The following WARS2 variants were observed in gnomAD, a reference collection of about 807,000 sequenced individuals.
The protein encoded by WARS2 is tryptophan--tRNA ligase, mitochondrial.
WARS2 carries 28 observed loss-of-function variants against 36.5 expected under a neutral mutation model. That is an observed-to-expected ratio of 0.77 (90% confidence interval 0.57 to 1.05). WARS2 has a LOEUF of 1.05. Ranked by LOEUF, WARS2 falls within the 50% of genes least tolerant of loss-of-function variation. The probability of loss-of-function intolerance (pLI) is 0.00; values close to 1 mark genes in which losing one functional copy is unlikely to be tolerated. For synonymous variants in WARS2, 174 were observed against 178.4 expected, an observed-to-expected ratio of 0.98 and a Z score of 0.20; for missense variants, 435 against 456.8, an observed-to-expected ratio of 0.95 and a Z score of 0.44.
At chr1:119,107,423 T>C (rs1316747327) in intron 1 of WARS2, among the ~76,000 whole-genome samples, 3 of 152,114 alleles carry the variant, frequency 2.0e-5, no homozygotes, top group African/African-American at 7.2e-5. Context: ...ATTTTACATT[T>C]AGTGTTAGGA....
intron 1 of WARS2, among the ~76,000 whole-genome samples, chr1:119,086,897 T>C (rs964438588): frequency 2.0e-5 from 3 of 152,148 alleles, no homozygotes; most frequent in Non-Finnish European, 2.9e-5. Context: ...TACTCCTCTC[T>C]GCATTCACAC....
chr1:119,103,823 T>A (rs1164680361), intron 1 of WARS2, among the ~76,000 whole-genome samples: 6 of 151,950 alleles, frequency 3.9e-5, no homozygotes, highest in African/African-American at 7.2e-5. Context: ...GGCACATTTT[T>A]AAACAACATT....
intron 2 of WARS2, among the ~76,000 whole-genome samples, chr1:119,071,824 A>G (rs1557959811): frequency 6.6e-6 from 1 of 152,164 alleles, no homozygotes; most frequent in African/African-American, 2.4e-5. Flanking sequence ...ATGTGAGGTA[A>G]TATATATGTT....
Position 119,076,347 on chromosome 1 carries a change from G to A in WARS2, c.348+3C>T, listed in dbSNP as rs200060157. Reference sequence around the variant, plus strand: ...TTTCTCAGTTCTAATCTGAGAAGCTGACCTGAGATTGTTGGAAAAGGATGC... The same window carrying A: ...TTTCTCAGTTCTAATCTGAGAAGCTAACCTGAGATTGTTGGAAAAGGATGC... On this transcript the variant is annotated splice_donor_region_variant and intron_variant, in intron 2 of 5. Transcript: ENST00000235521. 4.5e-4 allele frequency: 719 copies of A among 1,614,010 alleles called. 1 individual carries two copies. Among genetic ancestry groups the A allele is most frequent in the Non-Finnish European group, 5.9e-4 (697 of 1,179,970 alleles).
chr1:119,063,892 G>A (rs1453457929), intron 2 of WARS2: 1 of 152,194 alleles, frequency 6.6e-6, no homozygotes, highest in Admixed American at 6.5e-5. Context: ...AGGAAATGTG[G>A]GGTTGGAGCC....
intron 1 of WARS2, among the ~76,000 whole-genome samples, chr1:119,082,824 C>T (rs1295589527): frequency 1.3e-5 from 2 of 152,160 alleles, no homozygotes; most frequent in African/African-American, 4.8e-5. Flanking sequence ...GTGTGACCCC[C>T]TCAAAATTCA....
intron 1 of WARS2, among the ~76,000 whole-genome samples, chr1:119,118,288 T>C (rs1178357359): frequency 2.6e-5 from 4 of 151,654 alleles, no homozygotes; most frequent in Non-Finnish European, 4.4e-5. Context: ...CAAAACACAC[T>C]GAAAAGTATT....
intron 2 of WARS2, among the ~76,000 whole-genome samples, chr1:119,053,227 G>A (rs148194796): frequency 1.3e-3 from 204 of 152,202 alleles, no homozygotes; most frequent in African/African-American, 4.8e-3. Context: ...AAAAGAAGAG[G>A]AAAAATGGAG....
At chr1:119,103,669 T>C (rs1255898742) in intron 1 of WARS2, among the ~76,000 whole-genome samples, 1 of 151,874 alleles carries the variant, frequency 6.6e-6, no homozygotes. Flanking sequence ...ACAAGTCAAA[T>C]AACATAGAAC....
At chr1:119,137,948 A>T (rs2101587710) in intron 1 of WARS2, among the ~76,000 whole-genome samples, 1 of 152,248 alleles carries the variant, frequency 6.6e-6, no homozygotes, top group Non-Finnish European at 1.5e-5. Context: ...CAACTTAGGA[A>T]TCACAACACT....
chr1:119,036,411 T>C (rs1647890302), intron 4 of WARS2, among the ~76,000 whole-genome samples: 1 of 152,170 alleles, frequency 6.6e-6, no homozygotes. Flanking sequence ...GGGATGTACA[T>C]GCAGACACCC....
rs573105249 is a variant in WARS2 at position 119,038,355 on chromosome 1, G to A, written c.515+3909C>T. ...CAAAGAATGAAGCACTTCAAGAACT[G>A]GAAGTTTCCAAGGCAGCTATAGGAA... On this transcript the variant is annotated intron_variant, in intron 4 of 5. Transcript: ENST00000235521. Among the ~76,000 whole-genome samples the A allele has an allele frequency of 9.2e-5, 14 of 152,256 alleles. No individual in the cohort carries two copies. In the East Asian group the frequency reaches 2.7e-3, roughly 29 times the overall value.
intron 1 of WARS2, among the ~76,000 whole-genome samples, chr1:119,133,813 C>T (rs1448784389): frequency 2.6e-5 from 4 of 151,998 alleles, no homozygotes; most frequent in Non-Finnish European, 4.4e-5. Flanking sequence ...CTGATATTTA[C>T]TTTATATTCA....
At chr1:119,069,074 T>C (rs941765389) in intron 2 of WARS2, among the ~76,000 whole-genome samples, 1 of 152,194 alleles carries the variant, frequency 6.6e-6, no homozygotes, top group African/African-American at 2.4e-5. Flanking sequence ...AAAGTCAACA[T>C]TGTAACATAG....
intron 1 of WARS2, among the ~76,000 whole-genome samples, chr1:119,136,789 C>T (rs949924084): frequency 6.6e-6 from 1 of 152,188 alleles, no homozygotes; most frequent in Non-Finnish European, 1.5e-5. Context: ...ATCCTAATTC[C>T]ACCATTGTGT....
chr1:119,043,547 A>G (rs1362422568), intron 3 of WARS2, among the ~76,000 whole-genome samples: 1 of 152,192 alleles, frequency 6.6e-6, no homozygotes, highest in African/African-American at 2.4e-5. Flanking sequence ...TATAGCAACC[A>G]ATGCTCTAGG....
At chr1:119,048,899 C>T (rs561616047) in intron 2 of WARS2, among the ~76,000 whole-genome samples, 1 of 152,148 alleles carries the variant, frequency 6.6e-6, no homozygotes, top group African/African-American at 2.4e-5. Context: ...CCCGTCTCTA[C>T]TAAAAATACA....
At chr1:119,048,781 C>T (rs1170868628) in intron 2 of WARS2, among the ~76,000 whole-genome samples, 1 of 150,898 alleles carries the variant, frequency 6.6e-6, no homozygotes, top group East Asian at 1.9e-4. Flanking sequence ...AACCCCAAGA[C>T]CCGGCCAGGC....
chr1:119,085,791 A>T lies in WARS2; in HGVS notation c.91-9184T>A. ...AACAATCTCCCCATACTGTGAGAACACACAGATGATGTCCCCTTCAGTCAG... is the reference window on the plus strand; with the variant it reads ...AACAATCTCCCCATACTGTGAGAACTCACAGATGATGTCCCCTTCAGTCAG... On this transcript the variant is annotated intron_variant, in intron 1 of 5. Coordinates refer to ENST00000235521, the MANE Select transcript of WARS2 (RefSeq NM_015836.4). 2.5e-6 allele frequency: 4 copies of T among 1,606,576 alleles called. No individual in the cohort carries two copies. In the South Asian group the frequency reaches 4.4e-5, roughly 18 times the overall value.
Sources: allele counts gnomAD v4.1 joint callset (sites outside exome capture counted in the v4.1 genomes callset), GRCh38; gene constraint gnomAD v4.1.1; transcripts MANE v1.5; gene names NCBI Gene and HGNC (gene_info 2026-07-23, HGNC 2026-07-21).